Variants in ZBTB7C observed in about 807,000 individuals in gnomAD.
ZBTB7C encodes the protein zinc finger and BTB domain-containing protein 7C.
ZBTB7C carries 8 observed loss-of-function variants against 25.7 expected under a neutral mutation model. That is an observed-to-expected ratio of 0.31 (90% confidence interval 0.18 to 0.56). ZBTB7C has a LOEUF of 0.56. ZBTB7C is among the 20% of genes least tolerant of loss of function. The pLI, the probability that ZBTB7C is intolerant of heterozygous loss-of-function variation, is 0.91. For synonymous variants in ZBTB7C, 394 were observed against 369.0 expected (o/e 1.07, Z -0.78); for missense variants, 824 against 855.2 (o/e 0.96, Z 0.46).
intron 2 of ZBTB7C, among the ~76,000 whole-genome samples, chr18:48,288,087 A>G (rs1401498017): frequency 6.6e-6 from 1 of 152,226 alleles, no homozygotes; most frequent in Non-Finnish European, 1.5e-5. Flanking sequence ...AAGAACATAA[A>G]AATTGGAAAG....
At chr18:48,358,040 G>C (rs1326338909) in intron 1 of ZBTB7C, among the ~76,000 whole-genome samples, 1 of 152,188 alleles carries the variant, frequency 6.6e-6, no homozygotes, top group African/African-American at 2.4e-5. Context: ...GTTCATGTGA[G>C]ATCTGGTTGT....
intron 2 of ZBTB7C, among the ~76,000 whole-genome samples, chr18:48,294,250 G>C (rs944213930): frequency 2.0e-5 from 3 of 152,242 alleles, no homozygotes; most frequent in African/African-American, 7.2e-5. Context: ...TGGGCAGATG[G>C]GAGGGAGTTG....
chr18:48,327,800 C>A (rs1456386129), intron 2 of ZBTB7C, among the ~76,000 whole-genome samples: 1 of 150,172 alleles, frequency 6.7e-6, no homozygotes, highest in African/African-American at 2.5e-5. Flanking sequence ...TTACTGCTAC[C>A]ACCCAGATGT....
chr18:48,105,763 T>A (rs1325420644), intron 3 of ZBTB7C, among the ~76,000 whole-genome samples: 2 of 152,200 alleles, frequency 1.3e-5, no homozygotes, highest in Admixed American at 1.3e-4. Flanking sequence ...TAGAATGTGC[T>A]AAATTCCATG....
intron 3 of ZBTB7C, among the ~76,000 whole-genome samples, chr18:48,099,583 G>C (rs1411935885): frequency 6.6e-6 from 1 of 152,240 alleles, no homozygotes; most frequent in African/African-American, 2.4e-5. Context: ...AGGCGTGTGA[G>C]AGGTTGCAGG....
intron 2 of ZBTB7C, among the ~76,000 whole-genome samples, chr18:48,266,687 G>A (rs1232911905): frequency 3.3e-5 from 5 of 152,134 alleles, no homozygotes; most frequent in African/African-American, 9.7e-5. Context: ...GCAAGCTTCT[G>A]GCCACTTCAT....
intron 2 of ZBTB7C, among the ~76,000 whole-genome samples, chr18:48,248,015 A>C (rs2043745257): frequency 6.6e-6 from 1 of 152,158 alleles, no homozygotes; most frequent in Non-Finnish European, 1.5e-5. Context: ...AAGTCTCACA[A>C]AATCTAATGG....
intron 1 of ZBTB7C, among the ~76,000 whole-genome samples, chr18:48,378,388 T>C (rs1473707841): frequency 6.6e-6 from 1 of 152,170 alleles, no homozygotes; most frequent in Non-Finnish European, 1.5e-5. Flanking sequence ...CACTAGGCAC[T>C]CAGAGCACCA....
At chr18:48,116,277 T>G (rs2039437484) in intron 3 of ZBTB7C, among the ~76,000 whole-genome samples, 1 of 152,088 alleles carries the variant, frequency 6.6e-6, no homozygotes. Flanking sequence ...GCAAGCTTCT[T>G]GGGGTGGCAA....
chr18:48,266,222 C>T (rs962972758), intron 2 of ZBTB7C, among the ~76,000 whole-genome samples: 3 of 151,952 alleles, frequency 2.0e-5, no homozygotes, highest in Admixed American at 2.0e-4. Flanking sequence ...CTAGGACCCA[C>T]CAACACCCAG....
At chr18:48,359,452 A>C (rs1388659588) in intron 1 of ZBTB7C, among the ~76,000 whole-genome samples, 1 of 152,230 alleles carries the variant, frequency 6.6e-6, no homozygotes, top group Admixed American at 6.5e-5. Context: ...AATATAACAA[A>C]GTTTTTATAG....
Position 48,199,271 on chromosome 18 carries a change from C to T in ZBTB7C, c.-78-13276G>A, listed in dbSNP as rs542887234. ...CTTGTATAACTTCTCTGATACTTTCCTCTCCTCGGGTTTTATTCTCCATTT... is the reference window on the plus strand; with the variant it reads ...CTTGTATAACTTCTCTGATACTTTCTTCTCCTCGGGTTTTATTCTCCATTT... On this transcript the variant is annotated intron_variant, in intron 2 of 4. Coordinates refer to ENST00000590800, the MANE Select transcript of ZBTB7C (RefSeq NM_001318841.2). Among the ~76,000 whole-genome samples, 14 of 152,310 alleles carry T rather than the reference C, an allele frequency of 9.2e-5. 1 individual carries two copies. The South Asian group carries it at 2.3e-3, about 25-fold the overall frequency.
intron 1 of ZBTB7C, among the ~76,000 whole-genome samples, chr18:48,377,549 A>G (rs1271045585): frequency 6.6e-6 from 1 of 152,258 alleles, no homozygotes; most frequent in Non-Finnish European, 1.5e-5. Context: ...GCCCAACCAG[A>G]ACAGAAGCTG....
chr18:48,292,091 G>C (rs1250624663), intron 2 of ZBTB7C, among the ~76,000 whole-genome samples: 3 of 152,002 alleles, frequency 2.0e-5, no homozygotes, highest in Non-Finnish European at 4.4e-5. Context: ...CCTGCTACTT[G>C]GGAGGCTGAG....
chr18:48,394,958 T>C (rs2047986566), intron 1 of ZBTB7C, among the ~76,000 whole-genome samples: 1 of 152,152 alleles, frequency 6.6e-6, no homozygotes, highest in African/African-American at 2.4e-5. Flanking sequence ...TAAAACCACA[T>C]ATAAATTCTC....
chr18:48,405,093 T>C (rs991779428), intron 1 of ZBTB7C, among the ~76,000 whole-genome samples: 4 of 152,094 alleles, frequency 2.6e-5, no homozygotes, highest in African/African-American at 9.7e-5. Flanking sequence ...CCTTGCCAGC[T>C]TCCTCCACCC....
intron 2 of ZBTB7C, among the ~76,000 whole-genome samples, chr18:48,224,433 T>C (rs7229370): frequency 0.097 from 14,798 of 152,166 alleles, 1,569 homozygotes; most frequent in African/African-American, 0.26. Flanking sequence ...AGGCACAGAA[T>C]AGAGGCCCTT....
chr18:48,397,384 TC>T (rs2048054547), intron 1 of ZBTB7C, among the ~76,000 whole-genome samples: 1 of 152,130 alleles, frequency 6.6e-6, no homozygotes, highest in Admixed American at 6.5e-5. Flanking sequence ...TACAGGCGGT[TC>T]CCCACCTGAA....
intron 3 of ZBTB7C, among the ~76,000 whole-genome samples, chr18:48,178,962 C>T (rs1034512661): frequency 6.6e-6 from 1 of 152,314 alleles, no homozygotes; most frequent in Non-Finnish European, 1.5e-5. Flanking sequence ...AGGACCCCTC[C>T]TGGTCCCAGG....
Sources: gnomAD v4.1 joint callset for allele counts (sites outside exome capture counted in the v4.1 genomes callset) on GRCh38, gnomAD v4.1.1 for gene constraint, MANE v1.5 for transcripts, NCBI Gene and HGNC (gene_info 2026-07-23, HGNC 2026-07-21) for gene names.